The following CNOT6 variants were observed in gnomAD, a reference collection of about 807,000 sequenced individuals.
CNOT6 encodes the protein CCR4-NOT transcription complex subunit 6, also known as carbon catabolite repression 4 protein.
A neutral mutation model predicts 61.2 loss-of-function variants in CNOT6; 12 were observed. That is an observed-to-expected ratio of 0.20 (90% CI 0.13 to 0.32). The LOEUF (loss-of-function observed/expected upper bound fraction) is 0.32, where lower values mean the gene tolerates loss of function less well. Among genes scored for constraint, CNOT6 ranks in the 10% least tolerant of loss-of-function variants. CNOT6 has a pLI of 1.00. For synonymous variants in CNOT6, 225 were observed against 240.6 expected, an observed-to-expected ratio of 0.94 and a Z score of 0.60; for missense variants, 405 against 663.9, an observed-to-expected ratio of 0.61 and a Z score of 4.28.
Position 180,515,106 on chromosome 5 carries a change from A to T in CNOT6, c.-2-14169A>T, listed in dbSNP as rs1448972452. 2.0e-5 allele frequency among the ~76,000 whole-genome samples: 3 copies of T among 152,046 alleles called. No homozygotes were observed. In the South Asian group the frequency reaches 6.2e-4, roughly 31 times the overall value. ...GATGAAGGTTGTCTTTGATAAAGAGATTAGCATGTATTGAAAGACTTATAT... is the reference window on the plus strand; with the variant it reads ...GATGAAGGTTGTCTTTGATAAAGAGTTTAGCATGTATTGAAAGACTTATAT... On this transcript the variant is annotated intron_variant, in intron 1 of 11. Transcript: ENST00000261951.
chr5:180,543,803 T>G (rs1426061640), intron 2 of CNOT6, among the ~76,000 whole-genome samples: 1 of 152,200 alleles, frequency 6.6e-6, no homozygotes, highest in Admixed American at 6.5e-5. Flanking sequence ...TTTGAAGATT[T>G]ATTTTTAATA....
intron 1 of CNOT6, among the ~76,000 whole-genome samples, chr5:180,496,524 C>T (rs969100148): frequency 6.6e-6 from 1 of 152,080 alleles, no homozygotes; most frequent in Non-Finnish European, 1.5e-5. Context: ...GAACGAGATG[C>T]TGAACGAAAT....
intron 1 of CNOT6, among the ~76,000 whole-genome samples, chr5:180,520,910 C>G (rs1757854662): frequency 6.6e-6 from 1 of 150,822 alleles, no homozygotes; most frequent in African/African-American, 2.4e-5. Flanking sequence ...AGTGGCGCAA[C>G]CTCAGCTCAT....
intron 4 of CNOT6, among the ~76,000 whole-genome samples, chr5:180,561,290 G>T (rs1760169271): frequency 6.6e-6 from 1 of 150,850 alleles, no homozygotes; most frequent in Non-Finnish European, 1.5e-5. Context: ...ATTCCCATTT[G>T]GTTTTAAATG....
At position 180,577,315 on chromosome 5, in the gene CNOT6, G is replaced by A. The variant is rs1012825146; in HGVS notation, c.*3115G>A. Reference sequence around the variant, plus strand: ...TAAATGTTTAAATTAAAATTTCAAAGCTCTTTCGAGATTCAGGTTCTCAAT... The same window carrying A: ...TAAATGTTTAAATTAAAATTTCAAAACTCTTTCGAGATTCAGGTTCTCAAT... On this transcript the variant is annotated 3_prime_UTR_variant, in exon 12 of 12. Coordinates refer to ENST00000261951, the MANE Select transcript of CNOT6 (RefSeq NM_001370472.1). The A allele has an allele frequency of 6.6e-6, 1 of 152,448 alleles. No homozygotes were observed. The highest frequency in any genetic ancestry group is 1.5e-5 in the Non-Finnish European group (1 of 68,000). 9.4% of individuals were successfully genotyped at this position (152,448 alleles called of 1,614,324 possible). A position where few individuals can be genotyped will look rare whatever the true frequency, so the allele number is the denominator to read the frequency against.
chr5:180,535,542 T>C (rs1758640907), intron 2 of CNOT6, among the ~76,000 whole-genome samples: 1 of 152,244 alleles, frequency 6.6e-6, no homozygotes, highest in Non-Finnish European at 1.5e-5. Flanking sequence ...CACTGCATTT[T>C]CTTTATCCAG....
At chr5:180,548,406 C>A (rs1237055161) in intron 2 of CNOT6, among the ~76,000 whole-genome samples, 1 of 152,144 alleles carries the variant, frequency 6.6e-6, no homozygotes, top group Non-Finnish European at 1.5e-5. Context: ...CTGTTGACAA[C>A]TTGAGCCAGG....
chr5:180,508,159 G>T (rs901512906), intron 1 of CNOT6, among the ~76,000 whole-genome samples: 1 of 152,184 alleles, frequency 6.6e-6, no homozygotes, highest in African/African-American at 2.4e-5. Flanking sequence ...GGCAGAGTGG[G>T]TGAGAGATTT....
intron 4 of CNOT6, among the ~76,000 whole-genome samples, chr5:180,564,219 GT>G (rs1439908137): frequency 2.6e-5 from 4 of 152,168 alleles, no homozygotes; most frequent in African/African-American, 9.7e-5. Flanking sequence ...TATTGAAAGT[GT>G]TGGCAAGGCA....
intron 1 of CNOT6, among the ~76,000 whole-genome samples, chr5:180,527,590 G>A (rs1036430892): frequency 2.0e-5 from 3 of 152,196 alleles, no homozygotes; most frequent in Non-Finnish European, 1.5e-5. Context: ...ATCAGATCTA[G>A]AGAGGCTGGA....
At chr5:180,550,163 AC>A in intron 3 of CNOT6, 46 bp downstream of exon 3, 1 of 1,493,870 alleles carries the variant, frequency 6.7e-7, no homozygotes, top group Non-Finnish European at 9.3e-7. Context: ...GACCCCTAAA[AC>A]AAAATATAGG....
At chr5:180,495,438 T>C (rs1445097142) in intron 1 of CNOT6, 1 of 152,244 alleles carries the variant, frequency 6.6e-6, no homozygotes, top group Non-Finnish European at 1.5e-5. Context: ...CGCTATTTTC[T>C]TTGGAAACTT....
chr5:180,554,299 T>TACC (rs1457526758), intron 4 of CNOT6, among the ~76,000 whole-genome samples: 2 of 152,102 alleles, frequency 1.3e-5, no homozygotes, highest in African/African-American at 2.4e-5. Context: ...CCACCTGTAG[T>TACC]ACCACCTACT....
intron 1 of CNOT6, among the ~76,000 whole-genome samples, chr5:180,510,134 C>G (rs1385927753): frequency 2.7e-5 from 1 of 37,368 alleles, no homozygotes; most frequent in African/African-American, 9.2e-5. Context: ...GTCTGTAAAC[C>G]TTTTTTTTTT....
chr5:180,549,377 C>A (rs950418037), intron 2 of CNOT6, among the ~76,000 whole-genome samples: 1 of 152,184 alleles, frequency 6.6e-6, no homozygotes, highest in African/African-American at 2.4e-5. Flanking sequence ...TGGCCGGGCA[C>A]AGTGGCTCAT....
rs147058899 is a variant in CNOT6, at chr5:180,551,828, G to A, written c.300-1558G>A. Among the ~76,000 whole-genome samples, 67 of 150,180 alleles carry A rather than the reference G, an allele frequency of 4.5e-4. 1 individual carries two copies. Among genetic ancestry groups the A allele is most frequent in the African/African-American group, 1.5e-3 (63 of 40,900 alleles). Reference sequence around the variant, plus strand: ...TGAGTTTGTTCTATGACTGTTTTTAGTCCTCTGAAACAAATTTACTTGAAG... The same window carrying A: ...TGAGTTTGTTCTATGACTGTTTTTAATCCTCTGAAACAAATTTACTTGAAG... On this transcript the variant is annotated intron_variant, in intron 3 of 11. Transcript: ENST00000261951.
chr5:180,572,516 G>A (rs1760802279), intron 11 of CNOT6, among the ~76,000 whole-genome samples: 1 of 151,848 alleles, frequency 6.6e-6, no homozygotes, highest in South Asian at 2.1e-4. Context: ...TAACGTTAGT[G>A]ATTGTTTAGG....
In CNOT6 at chr5:180,549,942, A is replaced by G. The variant is rs1561654968; in HGVS notation, c.124A>G (p.Ser42Gly). 2 of 1,605,906 alleles carry G rather than the reference A, an allele frequency of 1.2e-6. No homozygotes were observed. The highest frequency in any genetic ancestry group is 1.3e-5 in the African/African-American group (1 of 74,690). ...AELEISGKVR[S>G]LSASLWSLTH... ...TTTTTCTCTTACAGGAAAAGTAAGA[A>G]GCTTAAGCGCATCTTTGTGGTCACT... Residue 42 changes from serine to glycine, a missense_variant, in exon 3 of 12, where the codon AGC (serine) becomes GGC (glycine). Physicochemically the swap from Ser to Gly is moderately conservative, Grantham distance 56. Transcript: ENST00000261951.
intron 2 of CNOT6, among the ~76,000 whole-genome samples, chr5:180,541,999 G>A (rs972975671): frequency 2.6e-5 from 4 of 152,066 alleles, no homozygotes; most frequent in African/African-American, 9.7e-5. Flanking sequence ...TTTGGAAGGC[G>A]TATGTCATGG....
Sources: allele counts gnomAD v4.1 joint callset (sites outside exome capture counted in the v4.1 genomes callset), GRCh38; gene constraint gnomAD v4.1.1; transcripts MANE v1.5; gene names NCBI Gene and HGNC (gene_info 2026-07-23, HGNC 2026-07-21).